Variants in PDE10A observed in about 807,000 individuals in gnomAD.
PDE10A encodes the protein cAMP and cAMP-inhibited cGMP 3',5'-cyclic phosphodiesterase 10A.
In PDE10A, 39 loss-of-function variants were observed where a neutral mutation model predicts 97.7. That is an observed-to-expected ratio of 0.40 (90% CI 0.31 to 0.52). The LOEUF is 0.52. Ranked by LOEUF, PDE10A falls within the 20% of genes least tolerant of loss-of-function variation. The pLI, the probability that PDE10A is intolerant of heterozygous loss-of-function variation, is 0.56. For synonymous variants in PDE10A, 371 were observed against 376.8 expected (o/e 0.98, Z 0.18); for missense variants, 731 against 1,047.8 (o/e 0.70, Z 4.17).
At chr6:165,827,302 G>T (rs117496024) in intron 1 of PDE10A, among the ~76,000 whole-genome samples, 5,395 of 152,338 alleles carry the variant, frequency 0.035, 129 homozygotes, top group Middle Eastern at 0.075. Flanking sequence ...AGGTGCAGGG[G>T]TGACGCGGGG....
chr6:165,343,494 A>G lies in PDE10A; in HGVS notation c.2792T>C (p.Val931Ala). 3 of 1,611,818 alleles carry G rather than the reference A, an allele frequency of 1.9e-6. No individual in the cohort carries two copies. Among genetic ancestry groups the G allele is most frequent in the Non-Finnish European group, 2.5e-6 (3 of 1,177,926 alleles). The change falls in exon 19 of 22, where the codon GTA becomes GCA. Residue 931 changes from valine to alanine, a missense_variant. Physicochemically the swap from Val to Ala is moderately conservative, Grantham distance 64. Transcript: ENST00000539869. ...NLNNQSHRDRVIGLMMTACDL... is the reference protein window; with the variant it reads ...NLNNQSHRDRAIGLMMTACDL... ...ACAGGCAGTCATCATCAAACCAATT[A>G]CACGGTCTCTAGAACACAACAATAT...
intron 1 of PDE10A, among the ~76,000 whole-genome samples, chr6:165,971,829 A>G (rs575216270): frequency 6.6e-6 from 1 of 152,238 alleles, no homozygotes; most frequent in East Asian, 1.9e-4. Context: ...CAGAGCTTTT[A>G]TTTATTTATT....
intron 2 of PDE10A, among the ~76,000 whole-genome samples, chr6:165,488,029 CAAAAAAAAAAAAA>C (rs58319021): frequency 1.1e-4 from 9 of 83,408 alleles, no homozygotes; most frequent in East Asian, 7.4e-4. Flanking sequence ...AACAAATTGG[CAAAAAAAAAAAAA>C]AAAAAAAAAA....
chr6:165,446,859 A>T (rs1790884855), intron 5 of PDE10A, among the ~76,000 whole-genome samples: 2 of 152,140 alleles, frequency 1.3e-5, no homozygotes, highest in African/African-American at 4.8e-5. Context: ...CCCTAGAGAG[A>T]AGCATGCCCA....
chr6:165,796,949 C>T (rs1363511950), intron 1 of PDE10A, among the ~76,000 whole-genome samples: 1 of 152,186 alleles, frequency 6.6e-6, no homozygotes, highest in Non-Finnish European at 1.5e-5. Flanking sequence ...CTTCTATCTC[C>T]TGTATTTCCT....
intron 2 of PDE10A, among the ~76,000 whole-genome samples, chr6:165,500,811 T>C (rs372990225): frequency 6.6e-6 from 1 of 151,932 alleles, no homozygotes; most frequent in Non-Finnish European, 1.5e-5. Flanking sequence ...TAAAACCCGA[T>C]TGTATGTTCT....
chr6:165,372,381 C>G (rs1418245992), intron 18 of PDE10A, among the ~76,000 whole-genome samples: 1 of 148,320 alleles, frequency 6.7e-6, no homozygotes, highest in African/African-American at 2.5e-5. Context: ...TCAGCAAAGT[C>G]TCAGGATACA....
intron 1 of PDE10A, among the ~76,000 whole-genome samples, chr6:165,808,099 C>T (rs62427301): frequency 0.064 from 9,689 of 152,204 alleles, 400 homozygotes; most frequent in South Asian, 0.11. Context: ...TTCTCTTTCT[C>T]CTCCTTCCTT....
At chr6:165,823,885 C>T (rs1370353691) in intron 1 of PDE10A, among the ~76,000 whole-genome samples, 2 of 152,094 alleles carry the variant, frequency 1.3e-5, no homozygotes, top group African/African-American at 4.8e-5. Context: ...CATTGTATGA[C>T]ATGTGACGGT....
At chr6:165,370,580 A>C (rs1179036197) in intron 18 of PDE10A, among the ~76,000 whole-genome samples, 2 of 149,814 alleles carry the variant, frequency 1.3e-5, no homozygotes, top group African/African-American at 4.9e-5. Context: ...TTCACAAAGC[A>C]AGTCCTGAGT....
At chr6:165,360,059 A>G (rs955432918) in intron 18 of PDE10A, among the ~76,000 whole-genome samples, 4 of 152,178 alleles carry the variant, frequency 2.6e-5, no homozygotes, top group Admixed American at 6.5e-5. Flanking sequence ...AGGAGAATCA[A>G]GTATTGTCTT....
chr6:165,936,649 C>T (rs1429372443), intron 1 of PDE10A, among the ~76,000 whole-genome samples: 1 of 152,136 alleles, frequency 6.6e-6, no homozygotes, highest in Admixed American at 6.5e-5. Context: ...AGAATTTTGC[C>T]TGTGAAACGA....
intron 3 of PDE10A, among the ~76,000 whole-genome samples, chr6:165,453,043 C>A (rs1256736605): frequency 3.3e-5 from 5 of 152,112 alleles, no homozygotes; most frequent in Admixed American, 1.3e-4. Flanking sequence ...ATACTCGCAA[C>A]TGGAGTAAAA....
intron 1 of PDE10A, among the ~76,000 whole-genome samples, chr6:165,656,258 T>TCACACA (rs3083000): frequency 1.1e-3 from 138 of 129,898 alleles, no homozygotes; most frequent in African/African-American, 3.4e-3. Flanking sequence ...TCTCTCTCTC[T>TCACACA]CACACACACA....
chr6:165,782,328 A>G (rs1778361830), intron 1 of PDE10A, among the ~76,000 whole-genome samples: 2 of 152,314 alleles, frequency 1.3e-5, no homozygotes, highest in South Asian at 2.1e-4. Flanking sequence ...ATTGCTGTAG[A>G]CGAGTCTCCT....
At chr6:165,529,450 C>T (rs780740778) in intron 2 of PDE10A, among the ~76,000 whole-genome samples, 1 of 152,106 alleles carries the variant, frequency 6.6e-6, no homozygotes, top group Non-Finnish European at 1.5e-5. Context: ...GGTCACTCCA[C>T]CAGGGAAAAA....
intron 1 of PDE10A, among the ~76,000 whole-genome samples, chr6:165,603,866 T>G (rs1787084068): frequency 6.6e-6 from 1 of 152,236 alleles, no homozygotes; most frequent in Admixed American, 6.5e-5. Context: ...AGGTGGTATA[T>G]GCAACAACTG....
At position 165,398,725 on chromosome 6, in the gene PDE10A, T is replaced by G. The variant is rs555641996; in HGVS notation, c.2077-2266A>C. On this transcript the variant is annotated intron_variant, in intron 13 of 21. Transcript: ENST00000539869. ...AGATTTCTATCAGTTAAAACCTGCT[T>G]CATATAACAAAATCATTAAAATTCA... 1.7e-4 allele frequency among the ~76,000 whole-genome samples: 26 copies of G among 152,142 alleles called. No individual in the cohort carries two copies. In the East Asian group the frequency reaches 4.3e-3, roughly 25 times the overall value.
At chr6:165,936,233 G>A (rs552403246) in intron 1 of PDE10A, among the ~76,000 whole-genome samples, 1 of 152,272 alleles carries the variant, frequency 6.6e-6, no homozygotes, top group African/African-American at 2.4e-5. Flanking sequence ...CATTTGAGCT[G>A]GAGATATGAA....
Sources: allele counts gnomAD v4.1 joint callset (sites outside exome capture counted in the v4.1 genomes callset), GRCh38; gene constraint gnomAD v4.1.1; transcripts MANE v1.5; gene names NCBI Gene and HGNC (gene_info 2026-07-23, HGNC 2026-07-21).